APC: variants seen among roughly 807,000 people sequenced by gnomAD.
The protein encoded by APC is adenomatous polyposis coli protein.
APC carries 72 observed loss-of-function variants against 247.0 expected under a neutral mutation model. That is an observed-to-expected ratio of 0.29 (90% CI 0.24 to 0.35). The LOEUF (loss-of-function observed/expected upper bound fraction) is 0.35, where lower values mean the gene tolerates loss of function less well. Ranked by LOEUF, APC falls within the 10% of genes least tolerant of loss-of-function variation. The pLI is 1.00. For missense variants in APC, 3,400 were observed against 3,360.7 expected, an observed-to-expected ratio of 1.01 and a Z score of -0.29; for synonymous variants, 1,254 against 1,162.5, an observed-to-expected ratio of 1.08 and a Z score of -1.60.
chr5:112,805,007 A>G (rs1005967458), intron 8 of APC, among the ~76,000 whole-genome samples: 1 of 151,934 alleles, frequency 6.6e-6, no homozygotes, highest in African/African-American at 2.4e-5. Context: ...TGTCTAAAAA[A>G]TAAAAAAAAA....
At chr5:112,766,563 C>T (rs1163989901) in intron 3 of APC, among the ~76,000 whole-genome samples, 153 bp downstream of exon 3, 2 of 151,956 alleles carry the variant, frequency 1.3e-5, no homozygotes, top group Non-Finnish European at 2.9e-5. Context: ...TGTTAAAGTA[C>T]AAATAAATAA....
intron 8 of APC, among the ~76,000 whole-genome samples, chr5:112,809,479 A>T (rs1361562760): frequency 6.6e-6 from 1 of 152,180 alleles, no homozygotes; most frequent in African/African-American, 2.4e-5. Context: ...ATACAGTGAG[A>T]AGATGAATAC....
At chr5:112,751,400 G>A (rs1430089529) in intron 1 of APC, among the ~76,000 whole-genome samples, 1 of 151,890 alleles carries the variant, frequency 6.6e-6, no homozygotes, top group African/African-American at 2.4e-5. Flanking sequence ...TATTTTTACT[G>A]GGACTGTAAA....
At position 112,841,258 on chromosome 5, in the gene APC, G is replaced by A. The variant is rs1766002235; in HGVS notation, c.5664G>A (p.Lys1888=). The change falls in exon 16 of 16, where the codon AAG becomes AAA. Residue 1888 remains lysine (K), a synonymous_variant. Coordinates refer to ENST00000257430, the MANE Select transcript of APC (RefSeq NM_000038.6). The surrounding 1 kb of genome is among the most constrained non-coding windows in gnomAD (Gnocchi z 4.6). ...AATTAAGAAAGGCAAAAGAAAATAA[G>A]GAATCAGAGGCTAAAGTTACCAGCC... ...KAELRKAKEN[K]ESEAKVTSHT... is the part of the protein sequence containing the mutation. The A allele has an allele frequency of 6.2e-7, 1 of 1,613,686 alleles. No individual in the cohort carries two copies. Among genetic ancestry groups the A allele is most frequent in the Non-Finnish European group, 8.5e-7 (1 of 1,179,706 alleles).
chr5:112,722,569 C>T (rs1016881490), intron 1 of APC, among the ~76,000 whole-genome samples: 1 of 152,098 alleles, frequency 6.6e-6, no homozygotes, highest in East Asian at 1.9e-4. Context: ...TCCTTCCCCC[C>T]AGTCCCAAGT....
chr5:112,807,412 TATA>T (rs1483218165), intron 8 of APC, among the ~76,000 whole-genome samples: 2 of 152,152 alleles, frequency 1.3e-5, no homozygotes, highest in African/African-American at 4.8e-5. Context: ...ATAATTTTTA[TATA>T]AACAATATTT....
chr5:112,797,150 T>C (rs1167662988), intron 7 of APC, among the ~76,000 whole-genome samples: 1 of 152,172 alleles, frequency 6.6e-6, no homozygotes, highest in African/African-American at 2.4e-5. Context: ...CAACCTCTTA[T>C]TGCTTCCTTT....
intron 11 of APC, among the ~76,000 whole-genome samples, chr5:112,824,812 C>A (rs1763477556): frequency 1.3e-5 from 2 of 152,092 alleles, no homozygotes; most frequent in Admixed American, 1.3e-4. Context: ...ATTCTCAGTT[C>A]TTTTACAGGC....
Position 112,843,673 on chromosome 5 carries a change from C to T in APC, c.8079C>T (p.Asn2693=), listed in dbSNP as rs1766638656. Reference sequence around the variant, plus strand: ...GTGTTTCAGAAAAGGCAAATCCAAACATTAAAGATTCAAAAGATAATCAGG... The same window carrying T: ...GTGTTTCAGAAAAGGCAAATCCAAATATTAAAGATTCAAAAGATAATCAGG... ...IDSVSEKANP[N]IKDSKDNQAK... is the part of the protein sequence containing the mutation. The change falls in exon 16 of 16, where the codon AAC becomes AAT. Residue 2693 remains asparagine (N), a synonymous_variant. Coordinates refer to ENST00000257430, the MANE Select transcript of APC (RefSeq NM_000038.6). The surrounding 1 kb of genome is among the most constrained non-coding windows in gnomAD (Gnocchi z 4.8). The T allele has an allele frequency of 1.2e-6, 2 of 1,613,998 alleles. No homozygotes were observed. The highest frequency in any genetic ancestry group is 1.7e-6 in the Non-Finnish European group (2 of 1,179,878).
intron 5 of APC, chr5:112,777,658 T>C (rs911854058): frequency 1.5e-5 from 3 of 204,758 alleles, no homozygotes; most frequent in Admixed American, 9.9e-5. Flanking sequence ...CTTCATCTTC[T>C]GGACAAGAAT....
rs1183026416 is a variant in APC, at chr5:112,839,545, A to G, written c.3951A>G (p.Glu1317=). 1 of 1,614,226 alleles carries G rather than the reference A, an allele frequency of 6.2e-7. No individual in the cohort carries two copies. Among genetic ancestry groups the G allele is most frequent in the African/African-American group, 1.3e-5 (1 of 75,068 alleles). The change falls in exon 16 of 16, where the codon GAA becomes GAG. Residue 1317 remains glutamate (E), a synonymous_variant. Coordinates refer to ENST00000257430, the MANE Select transcript of APC (RefSeq NM_000038.6). This position sits in a 1 kb window ranked among gnomAD's most constrained non-coding sequence, Gnocchi z 5.0. ...IKEKIGTRSA[E]DPVSEVPAVS... is the part of the protein sequence containing the mutation. ...AAAAGATTGGAACTAGGTCAGCTGA[A>G]GATCCTGTGAGCGAAGTTCCAGCAG...
intron 7 of APC, among the ~76,000 whole-genome samples, chr5:112,796,318 T>TC (rs751852007): frequency 8.6e-5 from 13 of 151,860 alleles, no homozygotes; most frequent in African/African-American, 1.2e-4. Flanking sequence ...GGGGTGAGTA[T>TC]CCCCCCTTCC....
chr5:112,774,485 G>A (rs979015368), intron 4 of APC, among the ~76,000 whole-genome samples: 1 of 40,428 alleles, frequency 2.5e-5, no homozygotes, highest in Non-Finnish European at 5.7e-5. Context: ...TTTTTTTTTT[G>A]GAAAGGAGTC....
intron 11 of APC, among the ~76,000 whole-genome samples, chr5:112,822,934 A>G (rs1763289991): frequency 1.3e-5 from 2 of 152,134 alleles, no homozygotes; most frequent in Non-Finnish European, 2.9e-5. Flanking sequence ...TCACTTTGGG[A>G]GGCTCTGCAC....
intron 2 of APC, among the ~76,000 whole-genome samples, chr5:112,763,108 T>C (rs989665834): frequency 3.9e-5 from 6 of 152,232 alleles, no homozygotes; most frequent in Admixed American, 3.9e-4. Flanking sequence ...CTTATTTACC[T>C]TTATGCTTAT....
At chr5:112,744,117 C>A (rs1213463147) in intron 1 of APC, among the ~76,000 whole-genome samples, 1 of 152,124 alleles carries the variant, frequency 6.6e-6, no homozygotes, top group African/African-American at 2.4e-5. Context: ...GCTGGGATTA[C>A]AGGTGTGAGC....
chr5:112,802,022 G>T (rs1760885835), intron 8 of APC, among the ~76,000 whole-genome samples: 1 of 151,946 alleles, frequency 6.6e-6, no homozygotes, highest in African/African-American at 2.4e-5. Context: ...CAATAGGACA[G>T]AATTTTTCTT....
chr5:112,750,295 A>G (rs1344629836), intron 1 of APC, among the ~76,000 whole-genome samples: 3 of 152,280 alleles, frequency 2.0e-5, no homozygotes, highest in East Asian at 3.9e-4. Flanking sequence ...TTCAAAGGGT[A>G]TGTAATAAAA....
chr5:112,841,213 C>T lies in APC; in HGVS notation c.5619C>T (p.Asp1873=), dbSNP rs755764542. Residue 1873 remains aspartate, a synonymous_variant, in exon 16 of 16, where the codon GAC becomes GAT. Transcript: ENST00000257430. This position sits in a 1 kb window ranked among gnomAD's most constrained non-coding sequence, Gnocchi z 4.6. The stretch of plus-strand genomic sequence containing the variant: ...TAGATTTTGATGATGATGATGTTGA[C>T]CTTTCCAGGGAAAAGGCTGAATTAA... ...SSLDFDDDDV[D]LSREKAELRK... 18 of 1,613,822 alleles carry T rather than the reference C, an allele frequency of 1.1e-5. No homozygotes were observed. The highest frequency in any genetic ancestry group is 2.2e-5 in the South Asian group (2 of 91,064).
Sources: allele counts gnomAD v4.1 joint callset (sites outside exome capture counted in the v4.1 genomes callset), GRCh38; gene constraint gnomAD v4.1.1; non-coding constraint Gnocchi (gnomAD v3.1); transcripts MANE v1.5; gene names NCBI Gene and HGNC (gene_info 2026-07-23, HGNC 2026-07-21).